Variants in DDX10 observed in about 807,000 individuals in gnomAD.
The protein encoded by DDX10 is probable ATP-dependent RNA helicase DDX10.
A neutral mutation model predicts 104.3 loss-of-function variants in DDX10; 74 were observed. That is an observed-to-expected ratio of 0.71 (90% CI 0.59 to 0.86). The LOEUF is 0.86. Ranked by LOEUF, DDX10 falls within the 40% of genes least tolerant of loss-of-function variation. The pLI, the probability that DDX10 is intolerant of heterozygous loss-of-function variation, is 0.00. For missense variants in DDX10, 952 were observed against 1,040.0 expected (o/e 0.92, Z 1.16); for synonymous variants, 351 against 353.4 (o/e 0.99, Z 0.08).
chr11:108,817,476 T>C (rs1402847025), intron 13 of DDX10, among the ~76,000 whole-genome samples: 1 of 152,154 alleles, frequency 6.6e-6, no homozygotes, highest in African/African-American at 2.4e-5. Context: ...GCCTTTCCTA[T>C]TTTTCTAAAA....
At chr11:108,856,216 G>T (rs958061842) in intron 16 of DDX10, among the ~76,000 whole-genome samples, 1 of 152,072 alleles carries the variant, frequency 6.6e-6, no homozygotes, top group Admixed American at 6.5e-5. Context: ...GATCACCTGC[G>T]GTGAGGGGTT....
At chr11:108,885,032 C>T (rs576470670) in intron 16 of DDX10, among the ~76,000 whole-genome samples, 46 of 151,988 alleles carry the variant, frequency 3.0e-4, no homozygotes, top group African/African-American at 1.1e-3. Context: ...TGAGTCTTCC[C>T]CCTCCCTCCC....
At chr11:108,668,946 C>T (rs1037393449) in intron 1 of DDX10, among the ~76,000 whole-genome samples, 9 of 152,186 alleles carry the variant, frequency 5.9e-5, no homozygotes, top group African/African-American at 1.9e-4. Flanking sequence ...TCTGGGTATG[C>T]TTCCCTTCCT....
intron 16 of DDX10, among the ~76,000 whole-genome samples, chr11:108,916,791 T>G (rs182084252): frequency 6.6e-6 from 1 of 152,292 alleles, no homozygotes; most frequent in Admixed American, 6.5e-5. Flanking sequence ...TCGTGTGATG[T>G]TCATAACATA....
At chr11:108,827,993 C>T (rs1205565464) in intron 13 of DDX10, among the ~76,000 whole-genome samples, 1 of 152,160 alleles carries the variant, frequency 6.6e-6, no homozygotes, top group Non-Finnish European at 1.5e-5. Context: ...AGTGCATTCA[C>T]ATTGATGTAC....
rs547691972 is a variant in DDX10, at chr11:108,785,442, A to G, written c.1966-53004A>G. ...GTATGTCTGCTAGATTTTGGTATCA[A>G]GATGATGCTGGGTTCATAGAATGAG... On this transcript the variant is annotated intron_variant, in intron 13 of 17. Coordinates refer to ENST00000322536, the MANE Select transcript of DDX10 (RefSeq NM_004398.4). 2.6e-5 allele frequency among the ~76,000 whole-genome samples: 4 copies of G among 152,258 alleles called. No individual in the cohort carries two copies. In the South Asian group the frequency reaches 8.3e-4, roughly 32 times the overall value.
In DDX10 at chr11:108,677,131, T is replaced by TG. The variant is rs1177356146; in HGVS notation, c.430dup (p.Val144GlyfsTer16). 2 of 1,613,806 alleles carry TG rather than the reference T, an allele frequency of 1.2e-6. No homozygotes were observed. Among genetic ancestry groups the TG allele is most frequent in the East Asian group, 2.2e-5 (1 of 44,848 alleles). On this transcript the variant is annotated frameshift_variant, in exon 4 of 18. Coordinates refer to ENST00000322536, the MANE Select transcript of DDX10 (RefSeq NM_004398.4). LOFTEE classifies it high-confidence loss of function. The stretch of plus-strand genomic sequence containing the variant: ...CTGCAATGGACTTCAACAGATGGGC[T>TG]GGGGGTTCTCATAATATCACCTACG...
chr11:108,810,381 T>C lies in DDX10; in HGVS notation c.1966-28065T>C, dbSNP rs189269896. Among the ~76,000 whole-genome samples the C allele has an allele frequency of 3.0e-4, 45 of 152,230 alleles. No individual in the cohort carries two copies. In the East Asian group the frequency reaches 4.8e-3, roughly 16 times the overall value. On this transcript the variant is annotated intron_variant, in intron 13 of 17. Coordinates refer to ENST00000322536, the MANE Select transcript of DDX10 (RefSeq NM_004398.4). The stretch of plus-strand genomic sequence containing the variant: ...TTTAATTAGGTGTTATTTGATCTTA[T>C]TATGTTTCATGAGAGCAGTGATGAC...
At chr11:108,814,993 G>C (rs1412430645) in intron 13 of DDX10, among the ~76,000 whole-genome samples, 1 of 152,182 alleles carries the variant, frequency 6.6e-6, no homozygotes, top group Non-Finnish European at 1.5e-5. Flanking sequence ...ATCGACATCA[G>C]AGCTAATCTG....
intron 13 of DDX10, among the ~76,000 whole-genome samples, chr11:108,797,530 G>C (rs892819199): frequency 6.6e-6 from 1 of 152,172 alleles, no homozygotes; most frequent in Non-Finnish European, 1.5e-5. Flanking sequence ...ATTACAAAAA[G>C]ACCGACTCCA....
At position 108,675,612 on chromosome 11, in the gene DDX10, G is replaced by A. The variant is rs954648903; in HGVS notation, c.264G>A (p.Gln88=). The A allele has an allele frequency of 1.2e-6, 2 of 1,614,006 alleles. No individual in the cohort carries two copies. The highest frequency in any genetic ancestry group is 2.7e-5 in the African/African-American group (2 of 74,936). The part of the protein sequence containing the change: ...KKTLKGLQEA[Q]YRLVTEIQKQ... Reference sequence around the variant, plus strand: ...TGTTGCCAGGTTTGCAAGAAGCTCAGTACCGTTTGGTGACTGAGATACAGA... The same window carrying A: ...TGTTGCCAGGTTTGCAAGAAGCTCAATACCGTTTGGTGACTGAGATACAGA... The change falls in exon 3 of 18, where the codon CAG becomes CAA. Residue 88 remains glutamine, a synonymous_variant. Transcript: ENST00000322536.
chr11:108,863,633 TG>T (rs1192892154), intron 16 of DDX10, among the ~76,000 whole-genome samples: 1 of 152,210 alleles, frequency 6.6e-6, no homozygotes, highest in African/African-American at 2.4e-5. Context: ...TAACATGAGT[TG>T]TGCATGTCTG....
At chr11:108,729,910 G>A (rs2094309959) in intron 13 of DDX10, 1 of 152,688 alleles carries the variant, frequency 6.5e-6, no homozygotes, top group Non-Finnish European at 1.5e-5. Context: ...CTAGTAAGCT[G>A]ATGAATCATT....
At chr11:108,817,344 A>C (rs1301675366) in intron 13 of DDX10, among the ~76,000 whole-genome samples, 2 of 152,068 alleles carry the variant, frequency 1.3e-5, no homozygotes, top group East Asian at 3.8e-4. Context: ...CTTGAAAACA[A>C]CAAACTCATT....
At chr11:108,925,736 T>A (rs1471118214) in intron 17 of DDX10, among the ~76,000 whole-genome samples, 1 of 152,194 alleles carries the variant, frequency 6.6e-6, no homozygotes, top group Admixed American at 6.5e-5. Context: ...GTAATTTTAA[T>A]GGGTTTTAAT....
At chr11:108,759,574 G>A (rs1237576372) in intron 13 of DDX10, among the ~76,000 whole-genome samples, 2 of 151,962 alleles carry the variant, frequency 1.3e-5, no homozygotes, top group African/African-American at 4.8e-5. Flanking sequence ...GATTGTCATT[G>A]AAATGCAAAA....
chr11:108,899,974 A>G (rs1863493983), intron 16 of DDX10, among the ~76,000 whole-genome samples: 1 of 152,128 alleles, frequency 6.6e-6, no homozygotes, highest in African/African-American at 2.4e-5. Flanking sequence ...TTAGCTGGGC[A>G]TGGTGGCACA....
chr11:108,800,031 G>T (rs1861997403), intron 13 of DDX10, among the ~76,000 whole-genome samples: 2 of 151,992 alleles, frequency 1.3e-5, no homozygotes, highest in African/African-American at 4.8e-5. Flanking sequence ...TCCAATTCCT[G>T]GGCTTAAGTG....
chr11:108,846,785 A>C (rs1419275476), intron 15 of DDX10, among the ~76,000 whole-genome samples: 1 of 151,912 alleles, frequency 6.6e-6, no homozygotes, highest in Non-Finnish European at 1.5e-5. Flanking sequence ...CCTTATATAT[A>C]AGAGATCTAA....
Sources: allele counts gnomAD v4.1 joint callset (sites outside exome capture counted in the v4.1 genomes callset), GRCh38; gene constraint gnomAD v4.1.1; transcripts MANE v1.5; gene names NCBI Gene and HGNC (gene_info 2026-07-23, HGNC 2026-07-21).